Variants in ALOX5AP observed in about 807,000 individuals in gnomAD.
ALOX5AP encodes the protein arachidonate 5-lipoxygenase activating protein, also known as arachidonate 5-lipoxygenase-activating protein.
ALOX5AP carries 9 observed loss-of-function variants against 18.5 expected under a neutral mutation model. The ratio of observed to expected loss-of-function variants is 0.49; its 90% CI spans 0.29 to 0.85. The LOEUF (loss-of-function observed/expected upper bound fraction) is 0.85, where lower values mean the gene tolerates loss of function less well. Among genes scored for constraint, ALOX5AP ranks in the 40% least tolerant of loss-of-function variants. The pLI is 0.08. For synonymous variants in ALOX5AP, 81 were observed against 78.6 expected (o/e 1.03, Z -0.16); for missense variants, 172 against 202.5 (o/e 0.85, Z 0.91).
intron 2 of ALOX5AP, among the ~76,000 whole-genome samples, chr13:30,746,293 C>T (rs1245758496): frequency 6.6e-6 from 1 of 152,116 alleles, no homozygotes; most frequent in Non-Finnish European, 1.5e-5. Flanking sequence ...GTGCTGCAGC[C>T]CAGCTCTCAA....
chr13:30,716,793 G>A (rs538428701), intron 1 of ALOX5AP, among the ~76,000 whole-genome samples: 29 of 152,344 alleles, frequency 1.9e-4, no homozygotes, highest in African/African-American at 6.7e-4. Flanking sequence ...AGAACTCACT[G>A]AAGGTTGTTA....
intron 3 of ALOX5AP, 106 bp from the exon 4 acceptor site, chr13:30,755,838 T>C: frequency 9.3e-7 from 1 of 1,074,358 alleles, no homozygotes; most frequent in Non-Finnish European, 1.4e-6. Context: ...CTGAAGTGCG[T>C]GTGTCTTCTG....
intron 1 of ALOX5AP, among the ~76,000 whole-genome samples, chr13:30,726,086 T>C (rs1951637318): frequency 6.6e-6 from 1 of 152,186 alleles, no homozygotes; most frequent in Non-Finnish European, 1.5e-5. Context: ...TTCCTTCCCA[T>C]TCCTGTAACT....
At chr13:30,758,119 A>G (rs17074978) in intron 4 of ALOX5AP, among the ~76,000 whole-genome samples, 11,901 of 152,198 alleles carry the variant, frequency 0.078, 723 homozygotes, top group African/African-American at 0.16. Context: ...AACCACTCTG[A>G]GCAGCTGTCA....
intron 1 of ALOX5AP, among the ~76,000 whole-genome samples, chr13:30,719,182 G>A (rs565566911): frequency 6.6e-6 from 1 of 152,186 alleles, no homozygotes; most frequent in Non-Finnish European, 1.5e-5. Context: ...TGACAATAAT[G>A]GAGGTTGATT....
At chr13:30,743,839 G>C (rs17245484) in intron 1 of ALOX5AP, among the ~76,000 whole-genome samples, 89 of 152,194 alleles carry the variant, frequency 5.8e-4, no homozygotes, top group African/African-American at 2.1e-3. Context: ...CTAGAAAGTG[G>C]GGGCCGTGCC....
upstream of ALOX5AP, among the ~76,000 whole-genome samples, chr13:30,733,806 TCTC>T (rs1173703482): frequency 6.6e-6 from 1 of 152,062 alleles, no homozygotes; most frequent in Non-Finnish European, 1.5e-5. Flanking sequence ...CCATCCATCT[TCTC>T]CTGCCCTTGG....
chr13:30,747,066 A>C (rs1275126674), intron 2 of ALOX5AP, among the ~76,000 whole-genome samples: 1 of 152,236 alleles, frequency 6.6e-6, no homozygotes, highest in African/African-American at 2.4e-5. Flanking sequence ...ACTTGGCCTT[A>C]ATTAATGGGC....
At chr13:30,721,972 T>C (rs1472493322) in intron 1 of ALOX5AP, among the ~76,000 whole-genome samples, 1 of 152,234 alleles carries the variant, frequency 6.6e-6, no homozygotes, top group Non-Finnish European at 1.5e-5. Context: ...AAAAAAAGAT[T>C]GAGATAGTTG....
chr13:30,752,228 CA>C, intron 3 of ALOX5AP, 106 bp downstream of exon 3: 1 of 1,179,974 alleles, frequency 8.5e-7, no homozygotes, highest in East Asian at 2.4e-5. Context: ...CTCTGGCTCC[CA>C]TCTGTGAAGC....
intron 1 of ALOX5AP, among the ~76,000 whole-genome samples, chr13:30,727,452 G>A (rs556589304): frequency 5.3e-5 from 8 of 152,272 alleles, no homozygotes; most frequent in East Asian, 3.9e-4. Context: ...GTGGGCCTAC[G>A]CTGGAGCCAT....
At chr13:30,736,738 T>A (rs1231080446) in intron 1 of ALOX5AP, among the ~76,000 whole-genome samples, 3 of 152,340 alleles carry the variant, frequency 2.0e-5, no homozygotes, top group East Asian at 1.9e-4. Context: ...AAGTATGTTT[T>A]CTACAAGAAC....
upstream of ALOX5AP, chr13:30,735,392 T>G (rs1593433296): frequency 3.0e-6 from 3 of 1,005,994 alleles, no homozygotes; most frequent in African/African-American, 3.6e-5. Context: ...CTTCTCCTGG[T>G]GGGACACACT....
In ALOX5AP at chr13:30,735,637, T is replaced by C; in HGVS notation, c.32T>C (p.Leu11Pro). The change falls in exon 1 of 5, where the codon CTG (leucine) becomes CCG (proline). Residue 11 changes from leucine (L) to proline (P), a missense_variant. By Grantham distance (98) the Leu-to-Pro change is moderately conservative. Transcript: ENST00000380490. ...CAAGAAACTGTAGGCAATGTTGTCCTGTTGGCCATCGTCACCCTCATCAGC... is the reference window on the plus strand; with the variant it reads ...CAAGAAACTGTAGGCAATGTTGTCCCGTTGGCCATCGTCACCCTCATCAGC... MDQETVGNVV[L>P]LAIVTLISVV... The C allele has an allele frequency of 6.2e-7, 1 of 1,614,162 alleles. No homozygotes were observed. Among genetic ancestry groups the C allele is most frequent in the Non-Finnish European group, 8.5e-7 (1 of 1,180,024 alleles).
chr13:30,741,556 A>T lies in ALOX5AP; in HGVS notation c.71-2504A>T, dbSNP rs113731287. On this transcript the variant is annotated intron_variant, in intron 1 of 4. Transcript: ENST00000380490. ...GGATTACAGGCCCCTCCCCACCCCC[A>T]CCCCCCAACAACTGGCTAATTTTTG... Among the ~76,000 whole-genome samples, 25 of 24,040 alleles carry T rather than the reference A, an allele frequency of 1.0e-3. 4 individuals carry two copies. Among genetic ancestry groups the T allele is most frequent in the Non-Finnish European group, 1.7e-3 (22 of 13,288 alleles). 15.8% of individuals were successfully genotyped at this position (24,040 alleles called of 152,430 possible).
At chr13:30,741,101 T>C (rs1177012721) in intron 1 of ALOX5AP, among the ~76,000 whole-genome samples, 4 of 128,908 alleles carry the variant, frequency 3.1e-5, no homozygotes, top group Admixed American at 8.8e-5. Context: ...ATCCTCCATA[T>C]CCTTTTTTTT....
intron 1 of ALOX5AP, among the ~76,000 whole-genome samples, chr13:30,719,079 G>A (rs993256556): frequency 6.6e-6 from 1 of 152,154 alleles, no homozygotes; most frequent in Non-Finnish European, 1.5e-5. Flanking sequence ...ACACTGACCG[G>A]GTCTGAGTCC....
At chr13:30,731,764 A>T (rs1413218744), upstream of ALOX5AP, among the ~76,000 whole-genome samples, 1 of 152,196 alleles carries the variant, frequency 6.6e-6, no homozygotes, top group Non-Finnish European at 1.5e-5. Context: ...CTGAGGGGCA[A>T]ATGTGAGGCT....
chr13:30,725,056 A>G (rs956991754), intron 1 of ALOX5AP, among the ~76,000 whole-genome samples: 2 of 152,212 alleles, frequency 1.3e-5, no homozygotes, highest in African/African-American at 4.8e-5. Context: ...GGTGCCCGTG[A>G]AGGACAGTGC....
Sources: allele counts gnomAD v4.1 joint callset (sites outside exome capture counted in the v4.1 genomes callset), GRCh38; gene constraint gnomAD v4.1.1; transcripts MANE v1.5; gene names NCBI Gene and HGNC (gene_info 2026-07-23, HGNC 2026-07-21).